Variants in SPIRE2 observed in about 807,000 individuals in gnomAD.
SPIRE2 encodes protein spire homolog 2.
In SPIRE2, 76 loss-of-function variants were observed where a neutral mutation model predicts 80.7. That is an observed-to-expected ratio of 0.94 (90% CI 0.78 to 1.14). The LOEUF is 1.14. Ranked by LOEUF, SPIRE2 falls within the 50% of genes most tolerant of loss-of-function variation. SPIRE2 has a pLI of 0.00. For missense variants in SPIRE2, 1,196 were observed against 1,015.3 expected, an observed-to-expected ratio of 1.18 and a Z score of -2.42; for synonymous variants, 535 against 432.6, an observed-to-expected ratio of 1.24 and a Z score of -2.94.
chr16:89,863,098 C>T lies in SPIRE2; in HGVS notation c.1576-378C>T, dbSNP rs1003314660. 8 of 269,286 alleles carry T rather than the reference C, an allele frequency of 3.0e-5. No individual in the cohort carries two copies. Among genetic ancestry groups the T allele is most frequent in the Non-Finnish European group, 5.1e-5 (7 of 137,848 alleles). The allele number at this position is 269,286 out of a possible 1,614,324, so 16.7% of individuals were successfully genotyped here. On this transcript the variant is annotated intron_variant, in intron 10 of 14. Transcript: ENST00000378247. The surrounding 1 kb of genome is among the most constrained non-coding windows in gnomAD (Gnocchi z 4.3). ...GCCTGTTGGAGGGTCCTGGACCTTC[C>T]AGAAAAGAGGACATCAGCTGCTCAG...
At chr16:89,868,641 C>T (rs1350993751) in intron 13 of SPIRE2, among the ~76,000 whole-genome samples, 5 of 151,838 alleles carry the variant, frequency 3.3e-5, no homozygotes, top group African/African-American at 1.2e-4. Flanking sequence ...GTGAGGCTGG[C>T]GGACCACTTG....
chr16:89,832,234 C>A (rs1216481713), intron 1 of SPIRE2, among the ~76,000 whole-genome samples: 1 of 152,236 alleles, frequency 6.6e-6, no homozygotes, highest in African/African-American at 2.4e-5. Flanking sequence ...CCACCTTTGC[C>A]GAGGAGCACC....
In SPIRE2 at chr16:89,854,579, G is replaced by C; in HGVS notation, c.819G>C (p.Glu273Asp). Residue 273 changes from glutamate (E) to aspartate (D), a missense_variant, in exon 5 of 15, where the codon GAG becomes GAC. Physicochemically the swap from Glu to Asp is conservative, Grantham distance 45 (BLOSUM62 2). Coordinates refer to ENST00000378247, the MANE Select transcript of SPIRE2 (RefSeq NM_032451.2). ...AGGAGTTCAACCCCCTCCCCACCGA[G>C]TTCCAGCTCACGCCCTTCGAGATGC... ...QEQEFNPLPT[E>D]FQLTPFEMLM... 1 of 1,612,400 alleles carries C rather than the reference G, an allele frequency of 6.2e-7. No homozygotes were observed. The highest frequency in any genetic ancestry group is 8.5e-7 in the Non-Finnish European group (1 of 1,179,778).
chr16:89,870,661 G>A lies in SPIRE2; in HGVS notation c.*389G>A, dbSNP rs2041832247. 5.5e-6 allele frequency: 1 copy of A among 183,448 alleles called. No homozygotes were observed. The highest frequency in any genetic ancestry group is 1.2e-5 in the Non-Finnish European group (1 of 84,960). The allele number at this position is 183,448 out of a possible 1,614,324, so 11.4% of individuals were successfully genotyped here. On this transcript the variant is annotated 3_prime_UTR_variant, in exon 15 of 15. Coordinates refer to ENST00000378247, the MANE Select transcript of SPIRE2 (RefSeq NM_032451.2). ...CCCAGTGGACGTCTAGGTGGGGACA[G>A]GGTATCTTGGCTCCCAGCTGGACCA...
At position 89,870,649 on chromosome 16, in the gene SPIRE2, T is replaced by C. The variant is rs767340641; in HGVS notation, c.*377T>C. ...CAGTTTCCCTTCCCCAGTGGACGTC[T>C]AGGTGGGGACAGGGTATCTTGGCTC... On this transcript the variant is annotated 3_prime_UTR_variant, in exon 15 of 15. Coordinates refer to ENST00000378247, the MANE Select transcript of SPIRE2 (RefSeq NM_032451.2). 2.1e-5 allele frequency: 4 copies of C among 188,878 alleles called. No individual in the cohort carries two copies. Among genetic ancestry groups the C allele is most frequent in the Non-Finnish European group, 4.5e-5 (4 of 88,460 alleles). 11.7% of individuals were successfully genotyped at this position (188,878 alleles called of 1,614,324 possible).
intron 1 of SPIRE2, among the ~76,000 whole-genome samples, chr16:89,835,124 G>C (rs2041434272): frequency 6.6e-6 from 1 of 151,102 alleles, no homozygotes; most frequent in South Asian, 2.1e-4. Context: ...TAGCCCGTGT[G>C]AATCTGTGAA....
chr16:89,832,342 A>G lies in SPIRE2; in HGVS notation c.244+3548A>G, dbSNP rs74033891. Among the ~76,000 whole-genome samples the G allele has an allele frequency of 5.4e-3, 829 of 152,310 alleles. 6 individuals carry two copies. The highest frequency in any genetic ancestry group is 0.019 in the African/African-American group (801 of 41,568). On this transcript the variant is annotated intron_variant, in intron 1 of 14. Transcript: ENST00000378247. ...AGGACTGTCTGGTGAGCTTGCCTTT[A>G]TTTTAAAATAGCAGTCTGCAAACGT...
chr16:89,850,512 G>T lies in SPIRE2; in HGVS notation c.497G>T (p.Arg166Leu). The T allele has an allele frequency of 1.3e-6, 2 of 1,525,106 alleles. No individual in the cohort carries two copies. Among genetic ancestry groups the T allele is most frequent in the East Asian group, 2.4e-5 (1 of 41,932 alleles). The allele number at this position is 1,525,106 out of a possible 1,614,324, so 94.5% of individuals were successfully genotyped here. The change falls in exon 3 of 15, where the codon CGC becomes CTC. Residue 166 changes from arginine to leucine, a missense_variant. Transcript: ENST00000378247. ...GCCGAGGGCGTCCCCCGCAGCGTGC[G>T]CACCTTTGCCCAGGCCATGCGGCTG... is the stretch of plus-strand genomic sequence containing the variant. ...EEAEGVPRSV[R>L]TFAQAMRLCA...
At chr16:89,865,289 A>G (rs1390334060) in intron 12 of SPIRE2, among the ~76,000 whole-genome samples, 1 of 152,164 alleles carries the variant, frequency 6.6e-6, no homozygotes, top group African/African-American at 2.4e-5. Context: ...TACAGGCGTA[A>G]GCCACCGCGC....
intron 9 of SPIRE2, 64 bp downstream of exon 9, chr16:89,859,418 C>A: frequency 9.3e-7 from 1 of 1,069,866 alleles, no homozygotes; most frequent in Non-Finnish European, 1.3e-6. Flanking sequence ...CTGTGGGCAC[C>A]ATCCCTCCAC....
Position 89,870,131 on chromosome 16 carries a change from C to A in SPIRE2, c.2004C>A (p.Val668=), listed in dbSNP as rs1238410723. The A allele has an allele frequency of 6.2e-7, 1 of 1,613,238 alleles. No individual in the cohort carries two copies. The highest frequency in any genetic ancestry group is 8.5e-7 in the Non-Finnish European group (1 of 1,179,694). The change falls in exon 15 of 15, where the codon GTC becomes GTA. Residue 668 remains valine (V), a synonymous_variant. Coordinates refer to ENST00000378247, the MANE Select transcript of SPIRE2 (RefSeq NM_032451.2). ...IYSHGCVLKD[V]CSECTSFVAD... ...CCCACGGCTGTGTCCTGAAGGATGT[C>A]TGCAGTGAGTGCACCAGCTTTGTGG... is the stretch of plus-strand genomic sequence containing the variant.
chr16:89,860,614 C>T, intron 9 of SPIRE2, 69 bp from the exon 10 acceptor site: 1 of 1,087,510 alleles, frequency 9.2e-7, no homozygotes, highest in Non-Finnish European at 1.4e-6. Flanking sequence ...CTCTATCATC[C>T]CCTGGGCACA....
rs1264473280 is a variant in SPIRE2, at chr16:89,863,558, T to C, written c.1658T>C (p.Met553Thr). 6.2e-7 allele frequency: 1 copy of C among 1,613,824 alleles called. No individual in the cohort carries two copies. Among genetic ancestry groups the C allele is most frequent in the African/African-American group, 1.3e-5 (1 of 74,942 alleles). Residue 553 changes from methionine (M) to threonine (T), a missense_variant, in exon 11 of 15, where the codon ATG becomes ACG. By Grantham distance (81) the Met-to-Thr change is moderately conservative. Transcript: ENST00000378247. The surrounding 1 kb of genome is among the most constrained non-coding windows in gnomAD (Gnocchi z 4.3). ...CGCCGTGTGCTGGTGAAGGCCGAGATGGAAAAGTTTTTGCAGAACAAGGAG... is the reference window on the plus strand; with the variant it reads ...CGCCGTGTGCTGGTGAAGGCCGAGACGGAAAAGTTTTTGCAGAACAAGGAG... ...DVRRVLVKAE[M>T]EKFLQNKELF...
intron 7 of SPIRE2, among the ~76,000 whole-genome samples, 197 bp downstream of exon 7, chr16:89,856,433 A>C (rs1193426104): frequency 6.6e-6 from 1 of 151,696 alleles, no homozygotes; most frequent in Non-Finnish European, 1.5e-5. Context: ...ATTTAAATTA[A>C]ATTAAAATTA....
rs2041735099 is a variant in SPIRE2 at position 89,860,700 on chromosome 16, G to A, written c.1480G>A (p.Val494Ile). The A allele has an allele frequency of 1.9e-6, 3 of 1,592,746 alleles. No homozygotes were observed. Among genetic ancestry groups the A allele is most frequent in the Non-Finnish European group, 2.6e-6 (3 of 1,170,160 alleles). ...SRDQGTCPAS[V>I]SDPSHPLLSN... is the part of the protein sequence containing the mutation. ...TCCCCCAGGTACCTGTCCCGCGAGT[G>A]TCTCTGACCCCAGCCACCCCCTACT... Residue 494 changes from valine to isoleucine, a missense_variant, in exon 10 of 15, where the codon GTC becomes ATC. Physicochemically the swap from Val to Ile is conservative, Grantham distance 29. Transcript: ENST00000378247.
At chr16:89,845,287 G>T in intron 1 of SPIRE2, 35 bp from the exon 2 acceptor site, 3 of 1,610,198 alleles carry the variant, frequency 1.9e-6, no homozygotes, top group Non-Finnish European at 2.5e-6. Context: ...TCCCGGGGAT[G>T]CTGACAAATA....
At chr16:89,836,784 A>G (rs940504336) in intron 1 of SPIRE2, among the ~76,000 whole-genome samples, 4 of 151,300 alleles carry the variant, frequency 2.6e-5, no homozygotes, top group Non-Finnish European at 5.9e-5. Context: ...GTTCGAGACC[A>G]GCCTGACCAA....
intron 13 of SPIRE2, among the ~76,000 whole-genome samples, chr16:89,868,786 T>G (rs924531969): frequency 6.6e-6 from 1 of 151,496 alleles, no homozygotes; most frequent in African/African-American, 2.4e-5. Context: ...ACCCGGGAGG[T>G]GGAGGCCACA....
intron 6 of SPIRE2, 35 bp downstream of exon 6, chr16:89,855,721 C>G: frequency 6.2e-7 from 1 of 1,600,334 alleles, no homozygotes; most frequent in South Asian, 1.1e-5. Context: ...CAGGGGCCGC[C>G]CGGGGCCTGG....
Sources: gnomAD v4.1 joint callset for allele counts (sites outside exome capture counted in the v4.1 genomes callset) on GRCh38, gnomAD v4.1.1 for gene constraint, Gnocchi (gnomAD v3.1) non-coding constraint, MANE v1.5 for transcripts, NCBI Gene and HGNC (gene_info 2026-07-23, HGNC 2026-07-21) for gene names.